Variants in RMP64 observed in about 807,000 individuals in gnomAD.
RMP64 encodes the protein ribonuclease MRP subunit p64, also known as nucleolus and neural progenitor protein.
chr3:113,013,066 A>G, the RMP64 span: 1 of 635,454 alleles, frequency 1.6e-6, no homozygotes, highest in African/African-American at 1.8e-5. Flanking sequence ...TGCTCTTAGG[A>G]TAATACGTGC....
chr3:113,018,627 C>A, the RMP64 span, among the ~76,000 whole-genome samples: 1 of 152,156 alleles, frequency 6.6e-6, no homozygotes, highest in Non-Finnish European at 1.5e-5. Context: ...AAGGGCTTTA[C>A]CAGCCCAACC....
the RMP64 span, chr3:113,010,397 C>G: frequency 2.1e-6 from 1 of 482,722 alleles, no homozygotes; most frequent in African/African-American, 2.0e-5. Flanking sequence ...ACAGATCTTA[C>G]GGTTACTTTA....
chr3:113,006,800 T>G, the RMP64 span, among the ~76,000 whole-genome samples: 2 of 152,210 alleles, frequency 1.3e-5, no homozygotes, highest in Non-Finnish European at 2.9e-5. Flanking sequence ...GTGGGTGTAC[T>G]TCAGAGTTGA....
chr3:113,018,402 G>A, the RMP64 span, among the ~76,000 whole-genome samples: 1 of 152,198 alleles, frequency 6.6e-6, no homozygotes, highest in African/African-American at 2.4e-5. Context: ...TTTGAATAGA[G>A]AAAGAGGGAA....
the RMP64 span, chr3:113,012,478 C>T: frequency 4.4e-5 from 14 of 318,364 alleles, no homozygotes; most frequent in Non-Finnish European, 7.4e-5. Flanking sequence ...CAGTGTGACA[C>T]CAGTCACTCC....
At chr3:113,003,706 T>C in the RMP64 span, 2 of 151,926 alleles carry the variant, frequency 1.3e-5, no homozygotes, top group African/African-American at 4.8e-5. Flanking sequence ...CCCTGGTTTT[T>C]CCAATGAAAG....
chr3:113,008,148 C>G, the RMP64 span: 3 of 1,598,452 alleles, frequency 1.9e-6, no homozygotes, highest in South Asian at 3.3e-5. Context: ...AGTAAAGTAA[C>G]ATAATTTTTG....
the RMP64 span, among the ~76,000 whole-genome samples, chr3:113,016,203 A>G: frequency 1.3e-5 from 2 of 152,230 alleles, no homozygotes; most frequent in African/African-American, 2.4e-5. Flanking sequence ...GTCTTTACTC[A>G]GGACACAATG....
At chr3:113,019,441 G>C in the RMP64 span, 6 of 932,362 alleles carry the variant, frequency 6.4e-6, no homozygotes, top group South Asian at 1.5e-5. Context: ...AGCGTCCCCC[G>C]GGCCGGGAAG....
chr3:113,016,484 T>A, the RMP64 span, among the ~76,000 whole-genome samples: 1 of 152,074 alleles, frequency 6.6e-6, no homozygotes, highest in Non-Finnish European at 1.5e-5. Context: ...GACGGGGTGA[T>A]TATTCACAAC....
the RMP64 span, among the ~76,000 whole-genome samples, chr3:113,016,401 A>C: frequency 1.3e-5 from 2 of 150,220 alleles, no homozygotes; most frequent in Admixed American, 6.8e-5. Context: ...ATGCAGAGGA[A>C]GTTTTGTCTT....
At chr3:113,016,517 T>C in the RMP64 span, among the ~76,000 whole-genome samples, 141 of 152,156 alleles carry the variant, frequency 9.3e-4, 3 homozygotes, top group South Asian at 0.027. Flanking sequence ...AGGAGAAATA[T>C]ATTCACTTTG....
the RMP64 span, chr3:113,015,125 G>C: frequency 4.6e-5 from 7 of 152,252 alleles, no homozygotes; most frequent in South Asian, 6.2e-4. Flanking sequence ...CCAAATTTTT[G>C]TATCTGTCTA....
the RMP64 span, chr3:113,010,816 A>T: frequency 1.0e-6 from 1 of 955,354 alleles, no homozygotes; most frequent in Admixed American, 2.5e-5. Context: ...AAATAAAGGA[A>T]TAAAGCAAGC....
At chr3:113,005,444 G>T in the RMP64 span, 3 of 791,950 alleles carry the variant, frequency 3.8e-6, no homozygotes, top group Non-Finnish European at 6.4e-6. Context: ...TCCTCTGTGA[G>T]TCCAGGTGGT....
At chr3:113,006,407 C>CTT in the RMP64 span, among the ~76,000 whole-genome samples, 1 of 152,184 alleles carries the variant, frequency 6.6e-6, no homozygotes, top group Non-Finnish European at 1.5e-5. Flanking sequence ...GGATAATCAG[C>CTT]TTCATGCTGT....
the RMP64 span, chr3:113,011,547 G>C: frequency 1.6e-6 from 1 of 623,762 alleles, no homozygotes; most frequent in African/African-American, 1.8e-5. Context: ...GTGCACACTT[G>C]CGAACAGCCA....
chr3:113,012,960 C>T, the RMP64 span: 1 of 626,584 alleles, frequency 1.6e-6, no homozygotes, highest in East Asian at 2.7e-5. Context: ...GAATTTAAAA[C>T]TTTAAAATAT....
At chr3:113,011,067 T>C in the RMP64 span, 1 of 1,602,168 alleles carries the variant, frequency 6.2e-7, no homozygotes, top group Non-Finnish European at 8.5e-7. Flanking sequence ...TCTTATTCTT[T>C]ACTGGCTGTC....
Sources: gnomAD v4.1 joint callset for allele counts (sites outside exome capture counted in the v4.1 genomes callset) on GRCh38, gnomAD v4.1.1 for gene constraint, MANE v1.5 for transcripts, NCBI Gene and HGNC (gene_info 2026-07-23, HGNC 2026-07-21) for gene names.